The following BCKDHB variants were observed in gnomAD, a reference collection of about 807,000 sequenced individuals.
BCKDHB encodes branched chain keto acid dehydrogenase E1 subunit beta.
A neutral mutation model predicts 48.5 loss-of-function variants in BCKDHB; 41 were observed. That is an observed-to-expected ratio of 0.85 (90% CI 0.66 to 1.10). BCKDHB has a LOEUF of 1.10. Among genes scored for constraint, BCKDHB ranks in the 50% least tolerant of loss-of-function variants. The probability of loss-of-function intolerance (pLI) is 0.00; values close to 1 mark genes in which losing one functional copy is unlikely to be tolerated. For missense variants in BCKDHB, 496 were observed against 494.2 expected, an observed-to-expected ratio of 1.00 and a Z score of -0.03; for synonymous variants, 201 against 174.8, an observed-to-expected ratio of 1.15 and a Z score of -1.18.
the BCKDHB span, among the ~76,000 whole-genome samples, chr6:80,388,694 G>T: frequency 2.0e-5 from 3 of 152,162 alleles, no homozygotes; most frequent in Admixed American, 6.6e-5. Context: ...CTCTCTCTCA[G>T]CCTGCACCAG....
At chr6:80,456,394 G>A in the BCKDHB span, among the ~76,000 whole-genome samples, 2 of 152,168 alleles carry the variant, frequency 1.3e-5, no homozygotes, top group South Asian at 2.1e-4. Context: ...CAAAGCTTTG[G>A]GGGTGTCTCT....
intron 9 of BCKDHB, among the ~76,000 whole-genome samples, chr6:80,336,146 A>G (rs1769581791): frequency 6.6e-6 from 1 of 151,948 alleles, no homozygotes; most frequent in Non-Finnish European, 1.5e-5. Flanking sequence ...AAATTAATAC[A>G]TAAATTATTG....
intron 9 of BCKDHB, among the ~76,000 whole-genome samples, chr6:80,277,610 T>TA (rs1223158913): frequency 2.0e-4 from 30 of 151,800 alleles, no homozygotes; most frequent in Middle Eastern, 6.9e-3. Context: ...ATTCAGTGCT[T>TA]AAAAAGAGTG....
chr6:80,452,713 G>C, the BCKDHB span, among the ~76,000 whole-genome samples: 5 of 152,140 alleles, frequency 3.3e-5, no homozygotes, highest in Admixed American at 2.6e-4. Flanking sequence ...AATGTTGTAG[G>C]TTGTGGTGGG....
At chr6:80,417,244 G>A in the BCKDHB span, among the ~76,000 whole-genome samples, 1 of 152,036 alleles carries the variant, frequency 6.6e-6, no homozygotes, top group East Asian at 1.9e-4. Flanking sequence ...GTGTGTCACT[G>A]CATATGAGAT....
intron 3 of BCKDHB, among the ~76,000 whole-genome samples, chr6:80,159,677 T>G (rs904348107): frequency 6.6e-6 from 1 of 152,238 alleles, no homozygotes; most frequent in Non-Finnish European, 1.5e-5. Context: ...TCACAACATA[T>G]TCTATCAAGT....
intron 6 of BCKDHB, among the ~76,000 whole-genome samples, chr6:80,180,486 T>C (rs1182588805): frequency 3.3e-5 from 5 of 152,212 alleles, no homozygotes; most frequent in African/African-American, 1.2e-4. Flanking sequence ...TTGGTTTTAC[T>C]TAATTGAATG....
chr6:80,286,837 A>ATTATAT (rs1417714456), intron 9 of BCKDHB, among the ~76,000 whole-genome samples: 19 of 152,238 alleles, frequency 1.2e-4, no homozygotes, highest in South Asian at 6.2e-4. Flanking sequence ...GTAGAGTATG[A>ATTATAT]TTACTTATAT....
intron 8 of BCKDHB, among the ~76,000 whole-genome samples, chr6:80,261,780 G>A (rs1777314318): frequency 6.6e-6 from 1 of 152,118 alleles, no homozygotes; most frequent in African/African-American, 2.4e-5. Flanking sequence ...ACTTTCTTCT[G>A]GATGTTAAGT....
intron 9 of BCKDHB, among the ~76,000 whole-genome samples, chr6:80,319,046 C>T (rs1163729383): frequency 1.3e-5 from 2 of 152,088 alleles, no homozygotes; most frequent in Admixed American, 1.3e-4. Context: ...TTAAATTTCC[C>T]TCAGGGATTC....
At chr6:80,207,427 C>G (rs1774718243) in intron 8 of BCKDHB, among the ~76,000 whole-genome samples, 1 of 151,196 alleles carries the variant, frequency 6.6e-6, no homozygotes, top group South Asian at 2.1e-4. Flanking sequence ...AATAAGAGAA[C>G]TATAAATTAA....
the BCKDHB span, among the ~76,000 whole-genome samples, chr6:80,389,183 A>G: frequency 2.0e-5 from 3 of 152,306 alleles, no homozygotes; most frequent in African/African-American, 7.2e-5. Context: ...TTCTGTGGAC[A>G]CCACTCCAGC....
At chr6:80,447,946 A>T in the BCKDHB span, among the ~76,000 whole-genome samples, 1 of 152,186 alleles carries the variant, frequency 6.6e-6, no homozygotes, top group Non-Finnish European at 1.5e-5. Context: ...AACCCTTACT[A>T]TGTGCCAAAC....
At chr6:80,381,730 C>A in the BCKDHB span, among the ~76,000 whole-genome samples, 1 of 152,004 alleles carries the variant, frequency 6.6e-6, no homozygotes, top group Non-Finnish European at 1.5e-5. Flanking sequence ...TTCTAACTAC[C>A]AGCCACAATG....
chr6:80,449,844 A>G, the BCKDHB span, among the ~76,000 whole-genome samples: 1 of 152,178 alleles, frequency 6.6e-6, no homozygotes, highest in Non-Finnish European at 1.5e-5. Flanking sequence ...AAAACAGTTC[A>G]TAGAGTTCAT....
At chr6:80,122,721 G>T (rs1230618483) in intron 1 of BCKDHB, among the ~76,000 whole-genome samples, 1 of 152,102 alleles carries the variant, frequency 6.6e-6, no homozygotes, top group Non-Finnish European at 1.5e-5. Context: ...CAGGACAAAA[G>T]GCAAAACAGA....
intron 3 of BCKDHB, among the ~76,000 whole-genome samples, chr6:80,165,902 G>T (rs1772544909): frequency 6.6e-6 from 1 of 152,150 alleles, no homozygotes; most frequent in African/African-American, 2.4e-5. Context: ...AGATTTTGGG[G>T]CTCCTCCATG....
chr6:80,398,410 A>T, the BCKDHB span, among the ~76,000 whole-genome samples: 5 of 152,240 alleles, frequency 3.3e-5, no homozygotes, highest in Admixed American at 6.5e-5. Context: ...CACTGACCAC[A>T]TAGAAATACA....
At chr6:80,289,410 A>G (rs1766797394) in intron 9 of BCKDHB, among the ~76,000 whole-genome samples, 1 of 152,176 alleles carries the variant, frequency 6.6e-6, no homozygotes, top group African/African-American at 2.4e-5. Context: ...AGGAGACATA[A>G]GGTTAAGATG....
Sources: gnomAD v4.1 joint callset for allele counts (sites outside exome capture counted in the v4.1 genomes callset) on GRCh38, gnomAD v4.1.1 for gene constraint, MANE v1.5 for transcripts, NCBI Gene and HGNC (gene_info 2026-07-23, HGNC 2026-07-21) for gene names.